ADGRE3: variants seen among roughly 807,000 people sequenced by gnomAD.
ADGRE3 encodes adhesion G protein-coupled receptor E3, also known as EGF-like module receptor 3.
ADGRE3 carries 88 observed loss-of-function variants against 80.1 expected under a neutral mutation model. The ratio of observed to expected loss-of-function variants is 1.10; its 90% CI spans 0.93 to 1.31. The LOEUF is 1.31. Among genes scored for constraint, ADGRE3 ranks in the 40% most tolerant of loss-of-function variants. The pLI is 0.00. For missense variants in ADGRE3, 715 were observed against 776.5 expected (o/e 0.92, Z 0.94); for synonymous variants, 281 against 294.8 (o/e 0.95, Z 0.48).
chr19:14,639,448 G>A (rs1971187446), intron 10 of ADGRE3, among the ~76,000 whole-genome samples: 1 of 151,714 alleles, frequency 6.6e-6, no homozygotes, highest in African/African-American at 2.4e-5. Flanking sequence ...CTGTCACCCA[G>A]GCTGGAGTAC....
At chr19:14,610,179 C>T in the ADGRE3 span, 40 of 1,571,218 alleles carry the variant, frequency 2.5e-5, no homozygotes, top group Non-Finnish European at 2.8e-5. Context: ...GATTTGTGAG[C>T]GGAAATGTTC....
Position 14,644,266 on chromosome 19 carries a change from T to C in ADGRE3, c.892A>G (p.Ser298Gly). The C allele has an allele frequency of 1.3e-6, 2 of 1,527,394 alleles. No individual in the cohort carries two copies. The highest frequency in any genetic ancestry group is 2.2e-5 in the Admixed American group (1 of 44,466). The allele number at this position is 1,527,394 out of a possible 1,614,324, so 94.6% of individuals were successfully genotyped here. A position where few individuals can be genotyped will look rare whatever the true frequency, so the allele number is the denominator to read the frequency against. The change falls in exon 9 of 16, where the codon AGT becomes GGT. Residue 298 changes from serine (S) to glycine (G), a missense_variant. Ser to Gly is a moderately conservative substitution (Grantham distance 56). Transcript: ENST00000253673. ...TAGACACAGAAGACCTTTTTGGTAC[T>C]GGGGGTCATCTGAAAATAGAAAATA... The part of the protein sequence containing the change: ...LTFQHVKMTP[S>G]TKKVFCVYWK...
At chr19:14,616,636 A>G (rs940549854), downstream of ADGRE3, among the ~76,000 whole-genome samples, 2 of 151,762 alleles carry the variant, frequency 1.3e-5, no homozygotes, top group Non-Finnish European at 1.5e-5. Context: ...GTTTGGTAAG[A>G]CTGAGAAACA....
At chr19:14,636,090 C>CTTTCTTTCTTTCTTTCTT (rs1971057501) in intron 11 of ADGRE3, among the ~76,000 whole-genome samples, 1 of 22,890 alleles carries the variant, frequency 4.4e-5, no homozygotes, top group East Asian at 1.7e-3. Flanking sequence ...CCCTTTCTTT[C>CTTTCTTTCTTTCTTTCTT]TTTCTTTCTT....
chr19:14,655,269 G>A (rs1313236838), intron 5 of ADGRE3, 104 bp from the exon 6 acceptor site: 3 of 991,092 alleles, frequency 3.0e-6, no homozygotes, highest in Non-Finnish European at 4.4e-6. Flanking sequence ...TGGAGCTGGA[G>A]GAACCACGTT....
intron 14 of ADGRE3, among the ~76,000 whole-genome samples, chr19:14,626,374 T>C (rs1481202971): frequency 6.6e-6 from 1 of 151,718 alleles, no homozygotes; most frequent in Non-Finnish European, 1.5e-5. Flanking sequence ...GAGGCAGAGG[T>C]TGCAGTGAGC....
At chr19:14,623,757 TC>T (rs1970660460) in intron 15 of ADGRE3, among the ~76,000 whole-genome samples, 2 of 152,120 alleles carry the variant, frequency 1.3e-5, no homozygotes, top group Admixed American at 6.6e-5. Context: ...CTTGTAAATT[TC>T]CCCCAGTGAG....
At chr19:14,612,080 T>G in the ADGRE3 span, among the ~76,000 whole-genome samples, 2 of 152,202 alleles carry the variant, frequency 1.3e-5, 1 homozygote, top group South Asian at 4.1e-4. Context: ...GCAATGTTAG[T>G]GCTTCTCAAA....
rs1568471252 is a variant in ADGRE3 at position 14,620,524 on chromosome 19, GAA to G, written c.1921-1055_1921-1054del. On this transcript the variant is annotated intron_variant, in intron 15 of 15. Coordinates refer to ENST00000253673, the MANE Select transcript of ADGRE3 (RefSeq NM_032571.5). ...ATATGAATATATTATGACTATATAT[GAA>G]TATATATATTTTATATATATATTAT... Among the ~76,000 whole-genome samples the G allele has an allele frequency of 5.1e-3, 98 of 19,270 alleles. 1 individual carries two copies. The highest frequency in any genetic ancestry group is 0.018 in the African/African-American group (92 of 5,110). 12.6% of individuals were successfully genotyped at this position (19,270 alleles called of 152,430 possible).
intron 1 of ADGRE3, among the ~76,000 whole-genome samples, chr19:14,671,950 G>A (rs987093148): frequency 4.6e-5 from 7 of 152,156 alleles, no homozygotes; most frequent in Admixed American, 1.3e-4. Context: ...GGGTCTTGCT[G>A]TGTTGACCGA....
At chr19:14,638,005 G>A (rs927969078) in intron 11 of ADGRE3, 100 bp downstream of exon 11, 33 of 814,490 alleles carry the variant, frequency 4.1e-5, no homozygotes, top group Middle Eastern at 7.0e-4. Context: ...GGAGAACGTA[G>A]AGTGCATTGG....
At chr19:14,656,763 G>C (rs562786347) in intron 5 of ADGRE3, among the ~76,000 whole-genome samples, 13 of 152,284 alleles carry the variant, frequency 8.5e-5, no homozygotes, top group African/African-American at 2.4e-4. Flanking sequence ...TCCGCAGCTT[G>C]ATTTTACAGG....
intron 6 of ADGRE3, among the ~76,000 whole-genome samples, chr19:14,653,440 T>G (rs1261125740): frequency 6.6e-6 from 1 of 151,978 alleles, no homozygotes; most frequent in African/African-American, 2.4e-5. Flanking sequence ...TTCATAATAT[T>G]AAAGAGTGGA....
At chr19:14,620,568 A>T (rs11672745) in intron 15 of ADGRE3, among the ~76,000 whole-genome samples, 285 of 10,976 alleles carry the variant, frequency 0.026, 37 homozygotes, top group African/African-American at 0.051. Flanking sequence ...ATATATATAT[A>T]TTTTTTTTTT....
intron 14 of ADGRE3, among the ~76,000 whole-genome samples, chr19:14,627,249 T>C (rs1970759298): frequency 6.6e-6 from 1 of 152,176 alleles, no homozygotes; most frequent in African/African-American, 2.4e-5. Flanking sequence ...GGAACACAAT[T>C]GCTCCTGGTA....
rs760404622 is a variant in ADGRE3 at position 14,644,137 on chromosome 19, A to G, written c.1021T>C (p.Phe341Leu). ...TMCNCSHLSSFAVLMALTSQE... is the reference protein window; with the variant it reads ...TMCNCSHLSSLAVLMALTSQE... Reference sequence around the variant, plus strand: ...CTGGTCAGGGCCATCAGGACAGCGAAGCTGGACAGGTGACTGCAATTACAC... The same window carrying G: ...CTGGTCAGGGCCATCAGGACAGCGAGGCTGGACAGGTGACTGCAATTACAC... The change falls in exon 9 of 16, where the codon TTC becomes CTC. Residue 341 changes from phenylalanine to leucine, a missense_variant. Physicochemically the swap from Phe to Leu is conservative, Grantham distance 22. Transcript: ENST00000253673. 2.5e-6 allele frequency: 4 copies of G among 1,582,118 alleles called. No homozygotes were observed. The highest frequency in any genetic ancestry group is 1.9e-5 in the Admixed American group (1 of 53,888).
chr19:14,654,202 C>T (rs1246360699), intron 6 of ADGRE3, among the ~76,000 whole-genome samples: 1 of 151,864 alleles, frequency 6.6e-6, no homozygotes, highest in Non-Finnish European at 1.5e-5. Context: ...ATCCACCCAC[C>T]TTGGCCTCCC....
intron 14 of ADGRE3, 144 bp from the exon 15 acceptor site, chr19:14,625,743 C>T: frequency 1.6e-6 from 1 of 613,816 alleles, no homozygotes; most frequent in Non-Finnish European, 2.9e-6. Context: ...TGGAATATTA[C>T]TCAGTCTTAT....
chr19:14,608,957 G>C, the ADGRE3 span, among the ~76,000 whole-genome samples: 6 of 151,956 alleles, frequency 3.9e-5, no homozygotes, highest in Non-Finnish European at 5.9e-5. Flanking sequence ...CCGCCACCAT[G>C]CTTGGTTAAT....
Sources: allele counts gnomAD v4.1 joint callset (sites outside exome capture counted in the v4.1 genomes callset), GRCh38; gene constraint gnomAD v4.1.1; transcripts MANE v1.5; gene names NCBI Gene and HGNC (gene_info 2026-07-23, HGNC 2026-07-21).